PIBF1: variants seen among roughly 807,000 people sequenced by gnomAD.
PIBF1 encodes the protein progesterone immunomodulatory binding factor 1.
PIBF1 carries 90 observed loss-of-function variants against 112.5 expected under a neutral mutation model. The observed-to-expected ratio is 0.80, with a 90% CI of 0.67 to 0.95. The LOEUF (loss-of-function observed/expected upper bound fraction) is 0.95, where lower values mean the gene tolerates loss of function less well. PIBF1 is among the 40% of genes least tolerant of loss of function. The pLI, the probability that PIBF1 is intolerant of heterozygous loss-of-function variation, is 0.00. For synonymous variants in PIBF1, 301 were observed against 288.6 expected (o/e 1.04, Z -0.44); for missense variants, 915 against 852.3 (o/e 1.07, Z -0.92).
intron 8 of PIBF1, among the ~76,000 whole-genome samples, chr13:72,829,749 C>G (rs2037008295): frequency 6.6e-6 from 1 of 152,120 alleles, no homozygotes. Flanking sequence ...CCAGAATTGT[C>G]TTGGCTATGT....
chr13:72,936,683 T>C (rs1276471653), intron 14 of PIBF1, among the ~76,000 whole-genome samples: 1 of 152,222 alleles, frequency 6.6e-6, no homozygotes, highest in Non-Finnish European at 1.5e-5. Flanking sequence ...TCTTGATTGC[T>C]GTAGCTTTAT....
rs116935987 is a variant in PIBF1 at position 72,897,337 on chromosome 13, A to G, written c.1488+3388A>G. On this transcript the variant is annotated intron_variant, in intron 11 of 17. Coordinates refer to ENST00000326291, the MANE Select transcript of PIBF1 (RefSeq NM_006346.4). ...TGAAACAAATCCTGGAAACATCAAA[A>G]CAAAATTGCTTCAAAGCATAAATCA... is the stretch of plus-strand genomic sequence containing the variant. Among the ~76,000 whole-genome samples, 916 of 152,346 alleles carry G rather than the reference A, an allele frequency of 6.0e-3. 25 individuals carry two copies. In the East Asian group the frequency reaches 0.094, roughly 16 times the overall value.
At chr13:72,825,041 T>A (rs1024212889) in intron 6 of PIBF1, among the ~76,000 whole-genome samples, 1 of 152,070 alleles carries the variant, frequency 6.6e-6, no homozygotes, top group Non-Finnish European at 1.5e-5. Flanking sequence ...TAAAAAGTCA[T>A]AAAACACAAG....
chr13:72,947,233 C>G (rs796829826), intron 14 of PIBF1, among the ~76,000 whole-genome samples: 24 of 152,338 alleles, frequency 1.6e-4, no homozygotes, highest in African/African-American at 5.8e-4. Flanking sequence ...CTTGCACCAT[C>G]TGAAGCAATG....
At chr13:73,012,992 A>G (rs1423016009) in intron 17 of PIBF1, among the ~76,000 whole-genome samples, 3 of 151,970 alleles carry the variant, frequency 2.0e-5, no homozygotes, top group African/African-American at 7.3e-5. Context: ...CAAAAGCTAT[A>G]GCATATATTT....
intron 12 of PIBF1, among the ~76,000 whole-genome samples, chr13:72,915,032 C>T (rs1053679324): frequency 3.9e-5 from 6 of 152,106 alleles, no homozygotes; most frequent in Non-Finnish European, 8.8e-5. Context: ...AAAAATAATA[C>T]ATTTTTAAAA....
At chr13:72,970,821 A>T (rs2042868563) in intron 15 of PIBF1, 1 of 152,172 alleles carries the variant, frequency 6.6e-6, no homozygotes, top group African/African-American at 2.4e-5. Context: ...TTAGAGACCC[A>T]CATGTTAAAG....
At chr13:73,004,933 C>T (rs1566540544) in intron 17 of PIBF1, among the ~76,000 whole-genome samples, 1 of 152,112 alleles carries the variant, frequency 6.6e-6, no homozygotes, top group Non-Finnish European at 1.5e-5. Context: ...ACCTGTAATC[C>T]CAGCACTTTG....
At chr13:72,868,057 T>A (rs955624921) in intron 10 of PIBF1, among the ~76,000 whole-genome samples, 1 of 152,266 alleles carries the variant, frequency 6.6e-6, no homozygotes, top group African/African-American at 2.4e-5. Flanking sequence ...CCCAACACTT[T>A]AGGAGGCTGA....
chr13:72,783,009 C>A (rs541067946), intron 1 of PIBF1, among the ~76,000 whole-genome samples: 1 of 152,138 alleles, frequency 6.6e-6, no homozygotes, highest in South Asian at 2.1e-4. Context: ...CATGATTTCT[C>A]CTTTTTACCA....
chr13:72,879,765 T>C (rs531170142), intron 10 of PIBF1, among the ~76,000 whole-genome samples: 5 of 152,336 alleles, frequency 3.3e-5, no homozygotes, highest in African/African-American at 9.6e-5. Context: ...AAGCTAAGAT[T>C]GGTTTGTGTG....
intron 9 of PIBF1, among the ~76,000 whole-genome samples, chr13:72,845,015 GAAC>G (rs1308396033): frequency 6.6e-6 from 1 of 151,856 alleles, no homozygotes; most frequent in African/African-American, 2.4e-5. Context: ...TACAAATGCA[GAAC>G]ATGTAGGTTT....
chr13:72,901,091 G>A (rs766600747), intron 11 of PIBF1: 7 of 446,630 alleles, frequency 1.6e-5, no homozygotes, highest in South Asian at 7.9e-5. Context: ...AAGAGCTTTC[G>A]CACAGCAAAA....
intron 6 of PIBF1, among the ~76,000 whole-genome samples, chr13:72,824,807 A>G (rs9564920): frequency 0.6 from 90,775 of 151,950 alleles, 27,761 homozygotes; most frequent in East Asian, 0.76. Context: ...ACCTTAACCT[A>G]GTGATCAAAG....
chr13:72,905,116 G>A (rs1315525544), intron 11 of PIBF1, among the ~76,000 whole-genome samples: 2 of 148,180 alleles, frequency 1.3e-5, no homozygotes, highest in Non-Finnish European at 3.0e-5. Context: ...CACCCAAGCT[G>A]TAGTGTGATG....
chr13:73,011,976 T>C (rs2044217267), intron 17 of PIBF1, among the ~76,000 whole-genome samples: 1 of 152,112 alleles, frequency 6.6e-6, no homozygotes, highest in Non-Finnish European at 1.5e-5. Flanking sequence ...AGATGGGCAC[T>C]GTGAGCAGAA....
At position 72,914,529 on chromosome 13, in the gene PIBF1, C is replaced by T. The variant is rs77145193; in HGVS notation, c.1640-2547C>T. On this transcript the variant is annotated intron_variant, in intron 12 of 17. Coordinates refer to ENST00000326291, the MANE Select transcript of PIBF1 (RefSeq NM_006346.4). ...ACCTGCCTTTGTTTATTTTCCATCACTTAACTTCTGGATAATCTTTTCCCT... is the reference window on the plus strand; with the variant it reads ...ACCTGCCTTTGTTTATTTTCCATCATTTAACTTCTGGATAATCTTTTCCCT... 8.7e-3 allele frequency among the ~76,000 whole-genome samples: 1,332 copies of T among 152,250 alleles called. 65 individuals carry two copies. Among genetic ancestry groups the T allele is most frequent in the East Asian group, 9.1e-3 (47 of 5,172 alleles).
chr13:72,788,989 C>G (rs1415937284), intron 2 of PIBF1, among the ~76,000 whole-genome samples: 1 of 152,064 alleles, frequency 6.6e-6, no homozygotes, highest in Non-Finnish European at 1.5e-5. Context: ...ACAAGCAGGT[C>G]CAAGAACACT....
At chr13:72,937,685 G>A (rs925847026) in intron 14 of PIBF1, among the ~76,000 whole-genome samples, 5 of 152,050 alleles carry the variant, frequency 3.3e-5, no homozygotes, top group African/African-American at 7.2e-5. Flanking sequence ...TGTGGTAGCA[G>A]GCACCTGTAA....
Sources: gnomAD v4.1 joint callset for allele counts (sites outside exome capture counted in the v4.1 genomes callset) on GRCh38, gnomAD v4.1.1 for gene constraint, MANE v1.5 for transcripts, NCBI Gene and HGNC (gene_info 2026-07-23, HGNC 2026-07-21) for gene names.